Variants in OR56A3 observed in about 807,000 individuals in gnomAD.
OR56A3 encodes the protein olfactory receptor family 56 subfamily A member 3.
A neutral mutation model predicts 17.5 loss-of-function variants in OR56A3; 23 were observed. That is an observed-to-expected ratio of 1.32 (90% CI 0.95 to 1.87). The LOEUF is 1.87. OR56A3 is among the 40% of genes most tolerant of loss of function. The pLI is 0.00. For synonymous variants in OR56A3, 175 were observed against 150.6 expected (o/e 1.16, Z -1.19); for missense variants, 366 against 380.1 (o/e 0.96, Z 0.31).
At chr11:5,974,847 T>A in the OR56A3 span, among the ~76,000 whole-genome samples, 1 of 152,034 alleles carries the variant, frequency 6.6e-6, no homozygotes, top group Non-Finnish European at 1.5e-5. Flanking sequence ...ATTAAAAGAG[T>A]CAATATATAA....
At position 5,947,792 on chromosome 11, in the gene OR56A3, C is replaced by A. The variant is rs1440547866; in HGVS notation, c.446C>A (p.Ala149Asp). The A allele has an allele frequency of 1.2e-6, 2 of 1,614,164 alleles. No individual in the cohort carries two copies. The highest frequency in any genetic ancestry group is 1.7e-6 in the Non-Finnish European group (2 of 1,180,024). ...IITDHFVVKAAMFILTRNVLM... is the reference protein window; with the variant it reads ...IITDHFVVKADMFILTRNVLM... The stretch of plus-strand genomic sequence containing the variant: ...ACTGATCACTTTGTAGTCAAGGCTG[C>A]CATGTTTATTTTGACCAGAAATGTG... Residue 149 changes from alanine (A) to aspartate (D), a missense_variant, in exon 3 of 3, where the codon GCC becomes GAC. Coordinates refer to ENST00000641160, the MANE Select transcript of OR56A3 (RefSeq NM_001003443.3).
the OR56A3 span, among the ~76,000 whole-genome samples, chr11:6,004,461 G>C: frequency 2.0e-5 from 3 of 152,342 alleles, no homozygotes; most frequent in Admixed American, 2.0e-4. Context: ...TAAGAGGATT[G>C]AGGTGTGCAT....
At chr11:5,971,677 A>G in the OR56A3 span, among the ~76,000 whole-genome samples, 1 of 152,246 alleles carries the variant, frequency 6.6e-6, no homozygotes, top group African/African-American at 2.4e-5. Context: ...CTTTTGATAT[A>G]TTGTTAACAA....
the OR56A3 span, chr11:6,003,027 A>G: frequency 2.5e-6 from 4 of 1,614,176 alleles, no homozygotes; most frequent in Admixed American, 5.0e-5. Flanking sequence ...GACCCAGTGT[A>G]CCTTAAAACG....
chr11:5,967,487 C>T, the OR56A3 span: 1 of 1,141,226 alleles, frequency 8.8e-7, no homozygotes, highest in Non-Finnish European at 1.2e-6. Context: ...ATTTTCTATG[C>T]ATCATAACAA....
the OR56A3 span, among the ~76,000 whole-genome samples, chr11:5,978,232 T>C: frequency 3.3e-5 from 5 of 152,312 alleles, no homozygotes; most frequent in Admixed American, 6.5e-5. Context: ...TTTTTTCTGA[T>C]TCTGTGAAAA....
chr11:6,012,300 T>C, the OR56A3 span, among the ~76,000 whole-genome samples: 3 of 152,130 alleles, frequency 2.0e-5, no homozygotes, highest in Admixed American at 2.0e-4. Flanking sequence ...TCCTCACAAG[T>C]GTTTAGCTTC....
the OR56A3 span, among the ~76,000 whole-genome samples, chr11:5,963,452 C>G: frequency 6.6e-6 from 1 of 151,830 alleles, no homozygotes; most frequent in Non-Finnish European, 1.5e-5. Context: ...GTATAGTATT[C>G]CTGGTTGGCA....
chr11:6,012,886 C>CACA, the OR56A3 span, among the ~76,000 whole-genome samples: 1 of 152,258 alleles, frequency 6.6e-6, no homozygotes, highest in African/African-American at 2.4e-5. Context: ...TGCACACCAG[C>CACA]TGGGCTGTGA....
the OR56A3 span, chr11:6,003,019 C>G: frequency 1.9e-6 from 3 of 1,613,904 alleles, no homozygotes; most frequent in Admixed American, 3.3e-5. Context: ...AATCTGGAGA[C>G]CCAGTGTACC....
chr11:5,957,100 A>G, the OR56A3 span, among the ~76,000 whole-genome samples: 1 of 152,204 alleles, frequency 6.6e-6, no homozygotes, highest in Non-Finnish European at 1.5e-5. Flanking sequence ...CAGTGAGCTG[A>G]GATCGCACAA....
At chr11:6,012,992 G>T in the OR56A3 span, among the ~76,000 whole-genome samples, 1 of 152,224 alleles carries the variant, frequency 6.6e-6, no homozygotes, top group Non-Finnish European at 1.5e-5. Context: ...CTCTGAGCCT[G>T]CAAGGGCAGA....
the OR56A3 span, chr11:6,002,743 C>A: frequency 6.2e-7 from 1 of 1,613,976 alleles, no homozygotes; most frequent in Admixed American, 1.7e-5. Context: ...ATGGCCAGGA[C>A]CTTGGGGATG....
the OR56A3 span, among the ~76,000 whole-genome samples, chr11:6,015,334 T>C: frequency 6.6e-6 from 1 of 151,948 alleles, no homozygotes. Context: ...GCTGTCTGCA[T>C]CCCAGCTGCT....
the OR56A3 span, chr11:5,993,811 T>A: frequency 3.6e-6 from 1 of 280,590 alleles, no homozygotes; most frequent in Non-Finnish European, 7.0e-6. Flanking sequence ...ACCAACATTT[T>A]TTTTAACTTC....
chr11:6,018,753 G>T, the OR56A3 span, among the ~76,000 whole-genome samples: 1 of 82,792 alleles, frequency 1.2e-5, no homozygotes. Flanking sequence ...TTGATTTTTG[G>T]AAAAGATAAA....
chr11:5,976,754 T>A, the OR56A3 span, among the ~76,000 whole-genome samples: 1 of 152,186 alleles, frequency 6.6e-6, no homozygotes, highest in Non-Finnish European at 1.5e-5. Context: ...AGTATACATA[T>A]GCAGGTTTGT....
the OR56A3 span, among the ~76,000 whole-genome samples, chr11:5,993,103 C>T: frequency 6.6e-6 from 1 of 152,042 alleles, no homozygotes; most frequent in African/African-American, 2.4e-5. Context: ...GATGAGGATA[C>T]AAACCTGTGA....
chr11:5,986,362 G>T, the OR56A3 span: 8 of 1,613,876 alleles, frequency 5.0e-6, no homozygotes, highest in African/African-American at 1.1e-4. Context: ...GCCTATGATG[G>T]TGGCTTGGCA....
Sources: allele counts gnomAD v4.1 joint callset (sites outside exome capture counted in the v4.1 genomes callset), GRCh38; gene constraint gnomAD v4.1.1; transcripts MANE v1.5; gene names NCBI Gene and HGNC (gene_info 2026-07-23, HGNC 2026-07-21).